FRS2: variants seen among roughly 807,000 people sequenced by gnomAD.
The protein encoded by FRS2 is FGFR signalling adaptor.
FRS2 carries 8 observed loss-of-function variants against 43.9 expected under a neutral mutation model. That is an observed-to-expected ratio of 0.18 (90% CI 0.11 to 0.33). The LOEUF is 0.33. FRS2 is among the 10% of genes least tolerant of loss of function. The pLI is 1.00. For synonymous variants in FRS2, 219 were observed against 220.3 expected (o/e 0.99, Z 0.05); for missense variants, 534 against 627.6 (o/e 0.85, Z 1.59).
At chr12:69,571,101 CG>C (rs1256534187) in intron 6 of FRS2, among the ~76,000 whole-genome samples, 174 bp from the exon 7 acceptor site, 4 of 151,906 alleles carry the variant, frequency 2.6e-5, no homozygotes, top group African/African-American at 9.7e-5. Context: ...GAACTTTTGG[CG>C]GGGGTTTGTT....
At chr12:69,551,398 T>C (rs1257894235) in intron 3 of FRS2, among the ~76,000 whole-genome samples, 1 of 152,140 alleles carries the variant, frequency 6.6e-6, no homozygotes, top group Non-Finnish European at 1.5e-5. Flanking sequence ...TTATATGTTA[T>C]TGTAAGTTGT....
intron 1 of FRS2, among the ~76,000 whole-genome samples, chr12:69,526,972 C>G (rs1876304330): frequency 6.6e-6 from 1 of 152,202 alleles, no homozygotes; most frequent in Non-Finnish European, 1.5e-5. Flanking sequence ...ATCCACCCGC[C>G]TTGGCCTCCC....
In FRS2 at chr12:69,574,329, G is replaced by A. The variant is rs1177038624; in HGVS notation, c.901G>A (p.Val301Ile). ...DSDERRDAPSVNKLVYENING... is the reference protein window; with the variant it reads ...DSDERRDAPSINKLVYENING... ...TGATGAACGAAGAGATGCACCCTCTGTTAACAAACTGGTGTATGAAAATAT... is the reference window on the plus strand; with the variant it reads ...TGATGAACGAAGAGATGCACCCTCTATTAACAAACTGGTGTATGAAAATAT... Residue 301 changes from valine to isoleucine, a missense_variant, in exon 9 of 9, where the codon GTT becomes ATT. This residue lies in a region of FRS2 where 446 missense variants were observed against 494.2 expected (regional missense o/e 0.90). Transcript: ENST00000549921. 1 of 1,614,044 alleles carries A rather than the reference G, an allele frequency of 6.2e-7. No individual in the cohort carries two copies. Among genetic ancestry groups the A allele is most frequent in the African/African-American group, 1.3e-5 (1 of 74,950 alleles).
At chr12:69,471,342 T>C (rs1397093566) in intron 1 of FRS2, among the ~76,000 whole-genome samples, 1 of 152,096 alleles carries the variant, frequency 6.6e-6, no homozygotes, top group Admixed American at 6.5e-5. Context: ...GTATGATGAG[T>C]TCATTCAGAG....
Position 69,477,355 on chromosome 12 carries a change from A to G in FRS2, c.-261+6825A>G, listed in dbSNP as rs185233627. 6.5e-3 allele frequency among the ~76,000 whole-genome samples: 902 copies of G among 138,558 alleles called. 6 individuals are homozygous for G. The highest frequency in any genetic ancestry group is 0.011 in the Non-Finnish European group (731 of 66,490). 90.9% of individuals were successfully genotyped at this position (138,558 alleles called of 152,430 possible). A position where few individuals can be genotyped will look rare whatever the true frequency, so the allele number is the denominator to read the frequency against. ...GAGTGCAGTGGCGCGATCTCAGCTCACTGCAAGCTCCGCCTCTCCTGGGTT... is the reference window on the plus strand; with the variant it reads ...GAGTGCAGTGGCGCGATCTCAGCTCGCTGCAAGCTCCGCCTCTCCTGGGTT... On this transcript the variant is annotated intron_variant, in intron 1 of 8. Transcript: ENST00000549921.
intron 3 of FRS2, among the ~76,000 whole-genome samples, chr12:69,534,569 G>C (rs1323461732): frequency 6.6e-6 from 1 of 152,178 alleles, no homozygotes; most frequent in African/African-American, 2.4e-5. Context: ...TAGGAGTACA[G>C]GGTTGCTAAG....
In FRS2 at chr12:69,537,334, A is replaced by G. The variant is rs888272856; in HGVS notation, c.-122+5278A>G. 7.4e-5 allele frequency among the ~76,000 whole-genome samples: 8 copies of G among 107,494 alleles called. No individual in the cohort carries two copies. The South Asian group carries it at 2.5e-3, about 33-fold the overall frequency. 70.5% of individuals were successfully genotyped at this position (107,494 alleles called of 152,430 possible). A position where few individuals can be genotyped will look rare whatever the true frequency, so the allele number is the denominator to read the frequency against. On this transcript the variant is annotated intron_variant, in intron 3 of 8. Coordinates refer to ENST00000549921, the MANE Select transcript of FRS2 (RefSeq NM_001278356.2). The stretch of plus-strand genomic sequence containing the variant: ...TTGGATCTGAGACCTTTCTTCTATG[A>G]TAATTTTTTTTTTTACCTGAGGTAC...
intron 1 of FRS2, among the ~76,000 whole-genome samples, chr12:69,524,138 C>G (rs1453446175): frequency 2.6e-5 from 4 of 152,236 alleles, no homozygotes; most frequent in South Asian, 2.1e-4. Flanking sequence ...CTGCTGTTCT[C>G]CATGCTTAGT....
At chr12:69,484,407 G>C (rs1344705945) in intron 1 of FRS2, among the ~76,000 whole-genome samples, 1 of 152,114 alleles carries the variant, frequency 6.6e-6, no homozygotes, top group Non-Finnish European at 1.5e-5. Context: ...TAATATCTGT[G>C]CCAGTGTTCC....
At chr12:69,532,758 A>G (rs769068809) in intron 3 of FRS2, among the ~76,000 whole-genome samples, 7 of 152,224 alleles carry the variant, frequency 4.6e-5, no homozygotes, top group Non-Finnish European at 7.3e-5. Flanking sequence ...TAAAATAAGT[A>G]TTAATTTATA....
chr12:69,496,549 A>C (rs949112852), intron 1 of FRS2, among the ~76,000 whole-genome samples: 3 of 152,232 alleles, frequency 2.0e-5, no homozygotes, highest in African/African-American at 7.2e-5. Context: ...AGCTAAAGTC[A>C]AAACAGCAAC....
chr12:69,555,306 A>G (rs1413262763), intron 3 of FRS2, among the ~76,000 whole-genome samples: 4 of 152,168 alleles, frequency 2.6e-5, no homozygotes, highest in Non-Finnish European at 5.9e-5. Context: ...TCAGCCTCCC[A>G]AAGTGCTGGA....
chr12:69,501,710 C>T (rs1476871333), intron 1 of FRS2, among the ~76,000 whole-genome samples: 3 of 152,106 alleles, frequency 2.0e-5, no homozygotes, highest in Admixed American at 1.3e-4. Context: ...TCAGGATTCT[C>T]GAACTCTGGA....
At position 69,492,555 on chromosome 12, in the gene FRS2, G is replaced by A. The variant is rs116097121; in HGVS notation, c.-261+22025G>A. ...AAGAACCATCTGTATGTTAAGCATA[G>A]TTTATTCCTTTTTTTAAAAATCTCA... is the stretch of plus-strand genomic sequence containing the variant. On this transcript the variant is annotated intron_variant, in intron 1 of 8. Coordinates refer to ENST00000549921, the MANE Select transcript of FRS2 (RefSeq NM_001278356.2). Among the ~76,000 whole-genome samples, 1,403 of 152,306 alleles carry A rather than the reference G, an allele frequency of 9.2e-3. 24 individuals are homozygous for A. The highest frequency in any genetic ancestry group is 0.032 in the African/African-American group (1,325 of 41,564).
At chr12:69,566,133 A>G (rs1417403230) in intron 4 of FRS2, among the ~76,000 whole-genome samples, 1 of 152,154 alleles carries the variant, frequency 6.6e-6, no homozygotes, top group African/African-American at 2.4e-5. Flanking sequence ...GTTGCCAACC[A>G]AACATTTGTT....
chr12:69,570,586 G>T, intron 6 of FRS2, 69 bp downstream of exon 6: 1 of 893,920 alleles, frequency 1.1e-6, no homozygotes, highest in Non-Finnish European at 1.8e-6. Context: ...TGTATACAAA[G>T]ATTAAATTAA....
At chr12:69,531,198 C>T (rs575280179) in intron 2 of FRS2, among the ~76,000 whole-genome samples, 4 of 152,026 alleles carry the variant, frequency 2.6e-5, no homozygotes, top group Admixed American at 6.6e-5. Context: ...GGGATGTTGG[C>T]ACGCACCTGT....
chr12:69,572,627 C>T (rs551089934), intron 8 of FRS2, among the ~76,000 whole-genome samples: 6 of 152,154 alleles, frequency 3.9e-5, no homozygotes, highest in African/African-American at 1.4e-4. Context: ...CAGTGAACTA[C>T]GAGTAGGAAG....
intron 1 of FRS2, among the ~76,000 whole-genome samples, chr12:69,521,400 T>A (rs1432468112): frequency 6.6e-6 from 1 of 152,200 alleles, no homozygotes; most frequent in African/African-American, 2.4e-5. Context: ...TATTTCTTTC[T>A]CTTGCCCGAT....
Sources: allele counts gnomAD v4.1 joint callset (sites outside exome capture counted in the v4.1 genomes callset), GRCh38; gene constraint gnomAD v4.1.1; regional missense constraint gnomAD v4.1.1; transcripts MANE v1.5; gene names NCBI Gene and HGNC (gene_info 2026-07-23, HGNC 2026-07-21).